The following GRIN3A variants were observed in gnomAD, a reference collection of about 807,000 sequenced individuals.
The protein encoded by GRIN3A is glutamate receptor ionotropic, NMDA 3A.
Under a neutral mutation model 92.4 loss-of-function variants are expected in GRIN3A, and 47 were observed. The ratio of observed to expected loss-of-function variants is 0.51; its 90% CI spans 0.40 to 0.65. GRIN3A has a LOEUF of 0.65. GRIN3A is among the 30% of genes least tolerant of loss of function. GRIN3A has a pLI of 0.00. For missense variants in GRIN3A, 1,324 were observed against 1,393.1 expected, an observed-to-expected ratio of 0.95 and a Z score of 0.79; for synonymous variants, 527 against 540.6, an observed-to-expected ratio of 0.97 and a Z score of 0.35.
intron 3 of GRIN3A, among the ~76,000 whole-genome samples, chr9:101,632,256 A>G (rs1828724936): frequency 6.6e-6 from 1 of 152,054 alleles, no homozygotes; most frequent in Admixed American, 6.5e-5. Context: ...GACCTGTAAC[A>G]CCCTCCCATT....
At chr9:101,634,242 G>T (rs1284939321) in intron 3 of GRIN3A, among the ~76,000 whole-genome samples, 2 of 149,038 alleles carry the variant, frequency 1.3e-5, no homozygotes. Context: ...CTGAGGCAGG[G>T]GAATGGCGTG....
chr9:101,588,701 A>G (rs953383312), intron 6 of GRIN3A, among the ~76,000 whole-genome samples: 5 of 152,264 alleles, frequency 3.3e-5, no homozygotes, highest in Admixed American at 3.3e-4. Flanking sequence ...ATATGCACAC[A>G]TATTCTTCAG....
intron 1 of GRIN3A, among the ~76,000 whole-genome samples, chr9:101,736,155 T>C (rs1830203316): frequency 6.6e-6 from 1 of 152,178 alleles, no homozygotes; most frequent in Admixed American, 6.5e-5. Flanking sequence ...GTGAAAATGA[T>C]GTAGAGTCAG....
chr9:101,673,230 C>T (rs1452964350), intron 2 of GRIN3A, among the ~76,000 whole-genome samples: 1 of 152,066 alleles, frequency 6.6e-6, no homozygotes, highest in Non-Finnish European at 1.5e-5. Flanking sequence ...GAAAAAGGCA[C>T]TAGAAATCTT....
intron 8 of GRIN3A, among the ~76,000 whole-genome samples, chr9:101,574,687 T>A (rs1239386967): frequency 6.6e-6 from 1 of 152,212 alleles, no homozygotes; most frequent in Non-Finnish European, 1.5e-5. Context: ...CTGAATCTGC[T>A]TTCCTCCCCG....
intron 3 of GRIN3A, among the ~76,000 whole-genome samples, chr9:101,655,394 A>G (rs988358623): frequency 1.3e-5 from 2 of 151,954 alleles, no homozygotes; most frequent in African/African-American, 2.4e-5. Context: ...CTAAAAACTT[A>G]TGGTAATTCA....
chr9:101,609,278 T>C (rs868154068), intron 6 of GRIN3A, among the ~76,000 whole-genome samples: 58 of 152,330 alleles, frequency 3.8e-4, no homozygotes, highest in African/African-American at 1.3e-3. Context: ...ATTTCTTTAC[T>C]TTGAAAAGAG....
At chr9:101,672,836 A>T in intron 2 of GRIN3A, among the ~76,000 whole-genome samples, 1 of 152,172 alleles carries the variant, frequency 6.6e-6, no homozygotes, top group Admixed American at 6.6e-5. Context: ...GCAACAAGTA[A>T]TGAAGTCTCA....
At chr9:101,656,232 G>A (rs539120709) in intron 3 of GRIN3A, among the ~76,000 whole-genome samples, 2 of 151,904 alleles carry the variant, frequency 1.3e-5, no homozygotes, top group East Asian at 3.9e-4. Flanking sequence ...AGTTTAGCAG[G>A]GGGTGGGAGA....
chr9:101,698,870 A>G (rs1829718222), intron 1 of GRIN3A, among the ~76,000 whole-genome samples: 1 of 152,038 alleles, frequency 6.6e-6, no homozygotes, highest in South Asian at 2.1e-4. Context: ...GGGTTTCACC[A>G]TGTTAGCCAG....
intron 6 of GRIN3A, among the ~76,000 whole-genome samples, chr9:101,590,367 TA>T (rs1158701390): frequency 4.7e-4 from 63 of 133,222 alleles, no homozygotes; most frequent in African/African-American, 1.7e-3. Flanking sequence ...TTTATTTATT[TA>T]TTTATTTATT....
At chr9:101,685,411 A>T (rs958404851) in intron 2 of GRIN3A, among the ~76,000 whole-genome samples, 3 of 149,252 alleles carry the variant, frequency 2.0e-5, no homozygotes, top group African/African-American at 7.4e-5. Context: ...TCCTCAACAT[A>T]GTCAGATACC....
chr9:101,704,157 A>T (rs78844757), intron 1 of GRIN3A, among the ~76,000 whole-genome samples: 1 of 47,288 alleles, frequency 2.1e-5, no homozygotes, highest in Non-Finnish European at 5.9e-5. Flanking sequence ...AGCTGTTATT[A>T]AAAAAAAATC....
chr9:101,688,500 G>GA (rs1181023156), intron 1 of GRIN3A, among the ~76,000 whole-genome samples: 7 of 152,158 alleles, frequency 4.6e-5, no homozygotes, highest in Non-Finnish European at 1.0e-4. Flanking sequence ...CAGAGCGTTG[G>GA]AAAAATCATC....
At chr9:101,657,629 T>G (rs1588270062) in intron 3 of GRIN3A, among the ~76,000 whole-genome samples, 2 of 151,974 alleles carry the variant, frequency 1.3e-5, no homozygotes, top group East Asian at 3.9e-4. Flanking sequence ...TTTGGAGATG[T>G]CTAACTGCAG....
chr9:101,694,918 G>T (rs1262285769), intron 1 of GRIN3A, among the ~76,000 whole-genome samples: 1 of 152,198 alleles, frequency 6.6e-6, no homozygotes, highest in Non-Finnish European at 1.5e-5. Context: ...GAACTTCAGA[G>T]AGTCACTGCA....
intron 2 of GRIN3A, among the ~76,000 whole-genome samples, chr9:101,681,188 G>A (rs1010299518): frequency 2.0e-5 from 3 of 152,154 alleles, no homozygotes; most frequent in African/African-American, 4.8e-5. Flanking sequence ...CCCAGAGTCC[G>A]ATGTTCAGAA....
At chr9:101,651,636 T>TTGTGTGTGTGTGTGTG (rs57126529) in intron 3 of GRIN3A, among the ~76,000 whole-genome samples, 4 of 146,052 alleles carry the variant, frequency 2.7e-5, no homozygotes, top group Admixed American at 2.1e-4. Context: ...AATAAATCCA[T>TTGTGTGTGTGTGTGTG]TGTGTGTGTG....
chr9:101,680,474 A>T (rs1390050271), intron 2 of GRIN3A, among the ~76,000 whole-genome samples: 1 of 152,236 alleles, frequency 6.6e-6, no homozygotes, highest in Non-Finnish European at 1.5e-5. Context: ...CTGTGTAAGC[A>T]TAAAGATAAA....
Sources: allele counts gnomAD v4.1 joint callset (sites outside exome capture counted in the v4.1 genomes callset), GRCh38; gene constraint gnomAD v4.1.1; transcripts MANE v1.5; gene names NCBI Gene and HGNC (gene_info 2026-07-23, HGNC 2026-07-21).